DCC: variants seen among roughly 807,000 people sequenced by gnomAD.
DCC encodes the protein netrin receptor DCC.
A neutral mutation model predicts 172.5 loss-of-function variants in DCC; 58 were observed. That is an observed-to-expected ratio of 0.34 (90% confidence interval 0.27 to 0.42). The LOEUF is 0.42. Ranked by LOEUF, DCC falls within the 10% of genes least tolerant of loss-of-function variation. The probability of loss-of-function intolerance (pLI) is 1.00; values close to 1 mark genes in which losing one functional copy is unlikely to be tolerated. For synonymous variants in DCC, 709 were observed against 644.5 expected (o/e 1.10, Z -1.52); for missense variants, 1,740 against 1,791.0 (o/e 0.97, Z 0.51).
intron 27 of DCC, among the ~76,000 whole-genome samples, chr18:53,518,331 C>T (rs1481843199): frequency 2.0e-5 from 3 of 152,112 alleles, no homozygotes; most frequent in South Asian, 2.1e-4. Context: ...GAAATCAAAA[C>T]CATGCTGTGC....
chr18:52,573,061 C>A (rs985674429), intron 1 of DCC, among the ~76,000 whole-genome samples: 1 of 152,100 alleles, frequency 6.6e-6, no homozygotes, highest in African/African-American at 2.4e-5. Context: ...GATAGAAACA[C>A]CTTTGCATTG....
At chr18:52,435,792 G>A (rs1023966659) in intron 1 of DCC, among the ~76,000 whole-genome samples, 10 of 152,288 alleles carry the variant, frequency 6.6e-5, no homozygotes, top group African/African-American at 2.4e-4. Flanking sequence ...CTCCATTATA[G>A]ACTCTCAGTT....
intron 25 of DCC, among the ~76,000 whole-genome samples, chr18:53,481,668 T>C (rs1250074233): frequency 2.0e-5 from 3 of 152,206 alleles, no homozygotes; most frequent in African/African-American, 7.2e-5. Context: ...TCAACAAATC[T>C]CTCAATTCTG....
intron 1 of DCC, among the ~76,000 whole-genome samples, chr18:52,574,082 C>A (rs1324724875): frequency 2.0e-5 from 3 of 152,214 alleles, no homozygotes; most frequent in African/African-American, 4.8e-5. Context: ...GCATGTCAAT[C>A]ATTCATCCAT....
intron 1 of DCC, among the ~76,000 whole-genome samples, chr18:52,468,850 T>C (rs1041088843): frequency 9.9e-5 from 15 of 152,150 alleles, no homozygotes; most frequent in African/African-American, 3.4e-4. Flanking sequence ...ATTTTAAAAG[T>C]AAAGTGTGTT....
chr18:52,433,037 C>A (rs1254461139), intron 1 of DCC, among the ~76,000 whole-genome samples: 1 of 152,034 alleles, frequency 6.6e-6, no homozygotes, highest in Non-Finnish European at 1.5e-5. Flanking sequence ...TTTTACTAAT[C>A]TTTATTAGAA....
intron 5 of DCC, among the ~76,000 whole-genome samples, chr18:52,957,518 A>ATAAT (rs1180949194): frequency 6.6e-6 from 1 of 152,202 alleles, no homozygotes; most frequent in East Asian, 1.9e-4. Flanking sequence ...TACCATCCAC[A>ATAAT]TAATTAATAT....
At chr18:52,479,234 CTCT>C (rs762104813) in intron 1 of DCC, among the ~76,000 whole-genome samples, 2 of 152,160 alleles carry the variant, frequency 1.3e-5, no homozygotes, top group Non-Finnish European at 2.9e-5. Flanking sequence ...TATAGATTTT[CTCT>C]TCTTAAGAGG....
intron 12 of DCC, among the ~76,000 whole-genome samples, chr18:53,247,740 T>G (rs7230034): frequency 6.6e-6 from 1 of 151,788 alleles, no homozygotes; most frequent in Non-Finnish European, 1.5e-5. Context: ...AGTGTGGGCT[T>G]TTGAGACCAC....
At chr18:52,502,891 G>T (rs1285359607) in intron 1 of DCC, among the ~76,000 whole-genome samples, 1 of 152,156 alleles carries the variant, frequency 6.6e-6, no homozygotes, top group Admixed American at 6.5e-5. Context: ...TTATTTTGCA[G>T]TTCTTCCTAT....
chr18:52,547,539 A>G (rs1568223486), intron 1 of DCC, among the ~76,000 whole-genome samples: 1 of 152,138 alleles, frequency 6.6e-6, no homozygotes, highest in South Asian at 2.1e-4. Context: ...AGTTAATGTG[A>G]ACAAAGCCAG....
At chr18:53,366,911 C>A (rs2058011703) in intron 15 of DCC, among the ~76,000 whole-genome samples, 1 of 152,170 alleles carries the variant, frequency 6.6e-6, no homozygotes, top group African/African-American at 2.4e-5. Flanking sequence ...GACTTACACC[C>A]AGAGATGGAA....
chr18:53,167,879 A>T (rs1045854075), intron 8 of DCC, among the ~76,000 whole-genome samples: 5 of 152,204 alleles, frequency 3.3e-5, no homozygotes, highest in East Asian at 3.9e-4. Flanking sequence ...TTTCCTTTGA[A>T]TTGGATTCCA....
chr18:53,287,578 G>A (rs2056950878), intron 12 of DCC, among the ~76,000 whole-genome samples: 1 of 152,080 alleles, frequency 6.6e-6, no homozygotes, highest in Non-Finnish European at 1.5e-5. Context: ...TTTTCAAAGA[G>A]GCAACATCAA....
At chr18:52,593,414 C>G (rs1410100951) in intron 1 of DCC, among the ~76,000 whole-genome samples, 1 of 152,124 alleles carries the variant, frequency 6.6e-6, no homozygotes, top group Non-Finnish European at 1.5e-5. Context: ...GGGTTGAAGT[C>G]TTTTTGTCAA....
intron 1 of DCC, among the ~76,000 whole-genome samples, chr18:52,708,528 A>G (rs2036247038): frequency 6.6e-6 from 1 of 152,186 alleles, no homozygotes; most frequent in African/African-American, 2.4e-5. Flanking sequence ...ATCCAATAAC[A>G]GAGGCCAAAG....
chr18:52,580,087 C>A (rs577906133), intron 1 of DCC, among the ~76,000 whole-genome samples: 4 of 152,216 alleles, frequency 2.6e-5, no homozygotes, highest in African/African-American at 7.2e-5. Flanking sequence ...AGATAAATCA[C>A]GACCCGCACT....
At chr18:52,882,444 G>A (rs2039500447) in intron 2 of DCC, among the ~76,000 whole-genome samples, 1 of 151,348 alleles carries the variant, frequency 6.6e-6, no homozygotes, top group South Asian at 2.1e-4. Flanking sequence ...CCCTCTTGGT[G>A]GTGCTTTTAC....
intron 2 of DCC, among the ~76,000 whole-genome samples, chr18:52,900,276 C>T (rs1198409102): frequency 3.3e-5 from 5 of 152,138 alleles, no homozygotes; most frequent in South Asian, 2.1e-4. Flanking sequence ...ATTGGGGTTA[C>T]GGCTGCTTAA....
Sources: gnomAD v4.1 joint callset for allele counts (sites outside exome capture counted in the v4.1 genomes callset) on GRCh38, gnomAD v4.1.1 for gene constraint, MANE v1.5 for transcripts, NCBI Gene and HGNC (gene_info 2026-07-23, HGNC 2026-07-21) for gene names.